Variants in TRIM24 observed in about 807,000 individuals in gnomAD.
The protein encoded by TRIM24 is transcription intermediary factor 1-alpha.
A neutral mutation model predicts 123.9 loss-of-function variants in TRIM24; 29 were observed. That is an observed-to-expected ratio of 0.23 (90% CI 0.17 to 0.32). The LOEUF (loss-of-function observed/expected upper bound fraction) is 0.32, where lower values mean the gene tolerates loss of function less well. TRIM24 is among the 10% of genes least tolerant of loss of function. The probability of loss-of-function intolerance (pLI) is 1.00; values close to 1 mark genes in which losing one functional copy is unlikely to be tolerated. For synonymous variants in TRIM24, 456 were observed against 461.1 expected, an observed-to-expected ratio of 0.99 and a Z score of 0.14; for missense variants, 932 against 1,295.3, an observed-to-expected ratio of 0.72 and a Z score of 4.31.
chr7:138,554,568 G>GT lies in TRIM24; in HGVS notation c.1262-129dup. 1 of 874,366 alleles carries GT rather than the reference G, an allele frequency of 1.1e-6. No homozygotes were observed. The highest frequency in any genetic ancestry group is 2.6e-5 in the East Asian group (1 of 38,024). The allele number at this position is 874,366 out of a possible 1,614,324, so 54.2% of individuals were successfully genotyped here. ...AGCTGTTTGGGGGTTCTCTTTCAGA[G>GT]TGTTAAAGGGCTCATGAGATCAGAG... is the stretch of plus-strand genomic sequence containing the variant. On this transcript the variant is annotated intron_variant, in intron 8 of 18. Transcript: ENST00000343526. This position sits in a 1 kb window ranked among gnomAD's most constrained non-coding sequence, Gnocchi z 4.5.
At chr7:138,582,820 CTT>C (rs1797930751) in intron 17 of TRIM24, among the ~76,000 whole-genome samples, 1 of 151,928 alleles carries the variant, frequency 6.6e-6, no homozygotes, top group Non-Finnish European at 1.5e-5. Context: ...CAGCTTCTCT[CTT>C]AAGAACAGGT....
At chr7:138,497,377 G>A (rs1217455589) in intron 1 of TRIM24, among the ~76,000 whole-genome samples, 1 of 146,538 alleles carries the variant, frequency 6.8e-6, no homozygotes, top group East Asian at 2.0e-4. Context: ...CGATGGGAAG[G>A]TTTCAATTAC....
Position 138,538,786 on chromosome 7 carries a change from C to T in TRIM24, c.1126C>T (p.Leu376Phe), listed in dbSNP as rs1237105388. Reference protein sequence around the residue: ...AVSSGSSTALLYSKRLITYRL... With the variant: ...AVSSGSSTALFYSKRLITYRL... ...TTCCAGTGGCAGCAGTACAGCATTA[C>T]TTTATAGCAAACGACTGGTAAGATA... The change falls in exon 7 of 19, where the codon CTT becomes TTT. Residue 376 changes from leucine (L) to phenylalanine (F), a missense_variant. Physicochemically the swap from Leu to Phe is conservative, Grantham distance 22 (BLOSUM62 0). This residue lies in a region of TRIM24 where 527 missense variants were observed against 691.3 expected (regional missense o/e 0.76). Coordinates refer to ENST00000343526, the MANE Select transcript of TRIM24 (RefSeq NM_015905.3). The T allele has an allele frequency of 6.2e-7, 1 of 1,612,184 alleles. No individual in the cohort carries two copies. Among genetic ancestry groups the T allele is most frequent in the Admixed American group, 1.7e-5 (1 of 59,990 alleles).
intron 7 of TRIM24, among the ~76,000 whole-genome samples, chr7:138,542,633 C>G (rs191333409): frequency 6.6e-6 from 1 of 152,136 alleles, no homozygotes; most frequent in African/African-American, 2.4e-5. Flanking sequence ...ACAGTACTTA[C>G]GAAGCGCAGT....
chr7:138,551,365 A>G (rs1452805137), intron 8 of TRIM24, among the ~76,000 whole-genome samples, 185 bp downstream of exon 8: 2 of 152,198 alleles, frequency 1.3e-5, no homozygotes, highest in Admixed American at 6.5e-5. Flanking sequence ...TGAGCAACAT[A>G]GGGAGAGCCC....
At position 138,503,842 on chromosome 7, in the gene TRIM24, A is replaced by T. The variant is rs1483697660; in HGVS notation, c.365-448A>T. Among the ~76,000 whole-genome samples the T allele has an allele frequency of 2.0e-5, 3 of 152,196 alleles. No homozygotes were observed. In the East Asian group the frequency reaches 5.8e-4, roughly 29 times the overall value. ...CAAAGGAATACTATTTGCATTTGTT[A>T]AAAGGAAATGGTGTTTTACACTCTG... On this transcript the variant is annotated intron_variant, in intron 1 of 18. Transcript: ENST00000343526.
intron 7 of TRIM24, among the ~76,000 whole-genome samples, chr7:138,543,824 G>T (rs185180081): frequency 6.6e-6 from 1 of 150,840 alleles, no homozygotes; most frequent in African/African-American, 2.4e-5. Flanking sequence ...TATTCTTTTG[G>T]TTTTCTGTTT....
chr7:138,541,145 T>C (rs1004440464), intron 7 of TRIM24, among the ~76,000 whole-genome samples: 7 of 152,116 alleles, frequency 4.6e-5, no homozygotes, highest in African/African-American at 1.7e-4. Context: ...AGCCGCATAA[T>C]GTATTTCTTA....
intron 3 of TRIM24, among the ~76,000 whole-genome samples, chr7:138,515,693 A>G (rs984912216): frequency 5.9e-5 from 9 of 152,190 alleles, no homozygotes; most frequent in African/African-American, 2.2e-4. Context: ...AATATTTTAT[A>G]ACTCTTCCTT....
intron 13 of TRIM24, among the ~76,000 whole-genome samples, chr7:138,577,159 A>G (rs1293498282): frequency 6.6e-6 from 1 of 152,194 alleles, no homozygotes; most frequent in Non-Finnish European, 1.5e-5. Context: ...CTAATTGTAA[A>G]GCCTCAGGTT....
chr7:138,580,787 T>C (rs1173239847), intron 16 of TRIM24, 93 bp downstream of exon 16: 6 of 1,177,642 alleles, frequency 5.1e-6, no homozygotes, highest in Non-Finnish European at 5.7e-6. Context: ...CCAGATTTTA[T>C]ACTGATCCTT....
chr7:138,505,281 T>C (rs1796127255), intron 2 of TRIM24, among the ~76,000 whole-genome samples: 1 of 152,222 alleles, frequency 6.6e-6, no homozygotes, highest in Non-Finnish European at 1.5e-5. Context: ...GAAACCATTA[T>C]TCTATATTTG....
In TRIM24 at chr7:138,476,466, G is replaced by A. The variant is rs373013204; in HGVS notation, c.364+15554G>A. Among the ~76,000 whole-genome samples the A allele has an allele frequency of 2.1e-3, 313 of 151,990 alleles. 2 individuals carry two copies. In the South Asian group the frequency reaches 0.021, roughly 10 times the overall value. ...AAATTAGCCGGGCATGGTGGCGTGC[G>A]CCTGTAATCCCAGTTACTCAGGAGG... On this transcript the variant is annotated intron_variant, in intron 1 of 18. Transcript: ENST00000343526.
intron 13 of TRIM24, among the ~76,000 whole-genome samples, chr7:138,577,131 G>A (rs1035777256): frequency 6.6e-6 from 1 of 152,314 alleles, no homozygotes; most frequent in East Asian, 1.9e-4. Flanking sequence ...CCAGTTCTAA[G>A]ATACTAAATC....
intron 6 of TRIM24, among the ~76,000 whole-genome samples, chr7:138,530,649 A>T (rs1377391948): frequency 6.7e-6 from 1 of 149,636 alleles, no homozygotes; most frequent in Non-Finnish European, 1.5e-5. Flanking sequence ...TTTTTTTTTT[A>T]AGAGGGGGGG....
intron 1 of TRIM24, chr7:138,490,623 T>C (rs141914208): frequency 1.1e-3 from 353 of 313,784 alleles, no homozygotes; most frequent in African/African-American, 7.2e-3. Flanking sequence ...TCATTCAACA[T>C]TAGCACGTAT....
chr7:138,572,357 T>C (rs534674308), intron 11 of TRIM24, among the ~76,000 whole-genome samples: 2 of 152,336 alleles, frequency 1.3e-5, no homozygotes, highest in South Asian at 4.1e-4. Context: ...TTGTACTCTT[T>C]GAAAAATATT....
At chr7:138,503,133 A>T (rs1796077204) in intron 1 of TRIM24, among the ~76,000 whole-genome samples, 1 of 138,290 alleles carries the variant, frequency 7.2e-6, no homozygotes, top group Non-Finnish European at 1.6e-5. Context: ...ATATATATAA[A>T]GTGTGCATTT....
chr7:138,531,645 T>C (rs1247963091), intron 6 of TRIM24, among the ~76,000 whole-genome samples: 1 of 152,128 alleles, frequency 6.6e-6, no homozygotes, highest in East Asian at 1.9e-4. Flanking sequence ...GGTTCCAAGT[T>C]TGTGCTATTG....
Sources: gnomAD v4.1 joint callset for allele counts (sites outside exome capture counted in the v4.1 genomes callset) on GRCh38, gnomAD v4.1.1 for gene constraint, gnomAD v4.1.1 regional missense constraint, Gnocchi (gnomAD v3.1) non-coding constraint, MANE v1.5 for transcripts, NCBI Gene and HGNC (gene_info 2026-07-23, HGNC 2026-07-21) for gene names.